The following CSMD2 variants were observed in gnomAD, a reference collection of about 807,000 sequenced individuals.
CSMD2 encodes the protein CUB and sushi domain-containing protein 2.
In CSMD2, 130 loss-of-function variants were observed where a neutral mutation model predicts 398.5. The ratio of observed to expected loss-of-function variants is 0.33; its 90% CI spans 0.28 to 0.38. The LOEUF (loss-of-function observed/expected upper bound fraction) is 0.38. Ranked by LOEUF, CSMD2 falls within the 10% of genes least tolerant of loss-of-function variation. The pLI, the probability that CSMD2 is intolerant of heterozygous loss-of-function variation, is 1.00. For synonymous variants in CSMD2, 1,828 were observed against 1,908.5 expected (o/e 0.96, Z 1.10); for missense variants, 3,829 against 4,764.9 (o/e 0.80, Z 5.78).
At chr1:33,816,134 A>T (rs1270150609) in intron 9 of CSMD2, among the ~76,000 whole-genome samples, 1 of 152,224 alleles carries the variant, frequency 6.6e-6, no homozygotes, top group Non-Finnish European at 1.5e-5. Context: ...GGTTAATAAC[A>T]AAGTCGGAAC....
intron 1 of CSMD2, among the ~76,000 whole-genome samples, chr1:34,111,442 T>C (rs1335625127): frequency 6.6e-6 from 1 of 152,058 alleles, no homozygotes; most frequent in Admixed American, 6.6e-5. Flanking sequence ...TACCACTATA[T>C]CATTGAGGAT....
At chr1:33,854,507 C>T (rs1638933486) in intron 5 of CSMD2, among the ~76,000 whole-genome samples, 1 of 152,202 alleles carries the variant, frequency 6.6e-6, no homozygotes, top group African/African-American at 2.4e-5. Context: ...TGGCACTGCC[C>T]ACTCCTGTCA....
chr1:33,889,572 T>C (rs10914804), intron 5 of CSMD2, among the ~76,000 whole-genome samples: 37,508 of 152,040 alleles, frequency 0.25, 4,738 homozygotes, highest in South Asian at 0.32. Flanking sequence ...CTGAGGTATA[T>C]TCATGATGAT....
chr1:33,829,351 A>T (rs935968577), intron 6 of CSMD2, among the ~76,000 whole-genome samples: 2 of 152,072 alleles, frequency 1.3e-5, no homozygotes, highest in East Asian at 1.9e-4. Flanking sequence ...ATTTTTTTTT[A>T]GATTAAATTT....
chr1:33,759,333 T>C (rs1401012099), intron 13 of CSMD2, among the ~76,000 whole-genome samples: 1 of 140,968 alleles, frequency 7.1e-6, no homozygotes, highest in Non-Finnish European at 1.6e-5. Flanking sequence ...TCTTTTTTTT[T>C]TTTTTTTTTT....
At chr1:33,902,404 A>G (rs1642813329) in intron 5 of CSMD2, among the ~76,000 whole-genome samples, 1 of 152,046 alleles carries the variant, frequency 6.6e-6, no homozygotes, top group African/African-American at 2.4e-5. Flanking sequence ...GTCCTTCATA[A>G]TCTCTTTCCC....
intron 6 of CSMD2, among the ~76,000 whole-genome samples, chr1:33,843,811 C>G (rs916648098): frequency 2.6e-5 from 4 of 152,222 alleles, no homozygotes; most frequent in Admixed American, 6.5e-5. Flanking sequence ...TCCTCACGCC[C>G]TGGCTACTAT....
chr1:34,084,292 G>A (rs1657606074), intron 2 of CSMD2, among the ~76,000 whole-genome samples: 1 of 152,162 alleles, frequency 6.6e-6, no homozygotes, highest in African/African-American at 2.4e-5. Flanking sequence ...ACCAGTCTCT[G>A]CTGAGTCTTC....
At chr1:33,665,010 G>T (rs1321264278) in intron 25 of CSMD2, among the ~76,000 whole-genome samples, 6 of 151,958 alleles carry the variant, frequency 3.9e-5, no homozygotes, top group Non-Finnish European at 7.4e-5. Flanking sequence ...TCCCCCATCT[G>T]CTAGACCACA....
intron 5 of CSMD2, among the ~76,000 whole-genome samples, chr1:33,851,676 T>C (rs965513144): frequency 2.0e-5 from 3 of 152,168 alleles, no homozygotes; most frequent in African/African-American, 7.2e-5. Context: ...CACCTCTCAT[T>C]CCTGAAGCAA....
At position 33,656,185 on chromosome 1, in the gene CSMD2, T is replaced by G. The variant is rs558002158; in HGVS notation, c.4447+1761A>C. ...GAAGGAAGATAGAAAGGAAGGAAAT[T>G]AGTATTTCTTGAGATTGGGGTTAGG... On this transcript the variant is annotated intron_variant, in intron 27 of 70. Transcript: ENST00000373381. Among the ~76,000 whole-genome samples the G allele has an allele frequency of 3.3e-5, 5 of 152,102 alleles. No individual in the cohort carries two copies. The South Asian group carries it at 1.0e-3, about 32-fold the overall frequency.
intron 3 of CSMD2, among the ~76,000 whole-genome samples, chr1:33,939,663 A>C (rs10753296): frequency 0.15 from 22,304 of 152,154 alleles, 2,954 homozygotes; most frequent in African/African-American, 0.36. Flanking sequence ...CACTCTCAAA[A>C]GCTCACTGCT....
intron 33 of CSMD2, among the ~76,000 whole-genome samples, chr1:33,625,896 C>T (rs1642094480): frequency 1.3e-5 from 2 of 152,192 alleles, no homozygotes; most frequent in African/African-American, 2.4e-5. Flanking sequence ...TCCAAACTAC[C>T]TTTCTGGGCC....
intron 3 of CSMD2, among the ~76,000 whole-genome samples, chr1:34,028,061 G>A (rs1169617346): frequency 2.0e-5 from 3 of 152,214 alleles, no homozygotes; most frequent in East Asian, 1.9e-4. Context: ...GCTCATGCTT[G>A]TAATCCTAGC....
chr1:34,157,384 A>G (rs560335741), intron 1 of CSMD2, among the ~76,000 whole-genome samples: 4 of 152,186 alleles, frequency 2.6e-5, no homozygotes, highest in African/African-American at 7.2e-5. Context: ...TGCCTATTCA[A>G]TTGGTTATAT....
chr1:34,001,595 C>A (rs1200737973), intron 3 of CSMD2, among the ~76,000 whole-genome samples: 1 of 152,148 alleles, frequency 6.6e-6, no homozygotes, highest in Non-Finnish European at 1.5e-5. Flanking sequence ...GAATACAACA[C>A]CCATGAACCT....
At chr1:33,973,258 C>T (rs1161924407) in intron 3 of CSMD2, among the ~76,000 whole-genome samples, 1 of 152,198 alleles carries the variant, frequency 6.6e-6, no homozygotes, top group Non-Finnish European at 1.5e-5. Flanking sequence ...AGGAAGAACA[C>T]TCAATGCCAG....
intron 53 of CSMD2, among the ~76,000 whole-genome samples, chr1:33,560,105 G>T (rs1315898595): frequency 6.6e-6 from 1 of 152,154 alleles, no homozygotes; most frequent in Non-Finnish European, 1.5e-5. Flanking sequence ...GGACCTAGTT[G>T]TCTGCAGGGA....
intron 3 of CSMD2, among the ~76,000 whole-genome samples, chr1:34,032,199 T>A (rs1650537929): frequency 6.6e-6 from 1 of 152,204 alleles, no homozygotes; most frequent in South Asian, 2.1e-4. Context: ...GTATGGTGTT[T>A]TCAGTTGCTT....
Sources: allele counts gnomAD v4.1 joint callset (sites outside exome capture counted in the v4.1 genomes callset), GRCh38; gene constraint gnomAD v4.1.1; transcripts MANE v1.5; gene names NCBI Gene and HGNC (gene_info 2026-07-23, HGNC 2026-07-21).